Variants in SLC9A9 observed in about 807,000 individuals in gnomAD.
The protein encoded by SLC9A9 is solute carrier family 9 member A9, also known as sodium/hydrogen exchanger 9.
SLC9A9 carries 62 observed loss-of-function variants against 77.8 expected under a neutral mutation model. That is an observed-to-expected ratio of 0.80 (90% CI 0.65 to 0.98). The LOEUF (loss-of-function observed/expected upper bound fraction) is 0.98, where lower values mean the gene tolerates loss of function less well. SLC9A9 is among the 50% of genes least tolerant of loss of function. The pLI is 0.00. For synonymous variants in SLC9A9, 320 were observed against 283.5 expected (o/e 1.13, Z -1.29); for missense variants, 775 against 774.9 (o/e 1.00, Z 0.00).
chr3:143,327,464 C>T (rs1011481558), intron 14 of SLC9A9, among the ~76,000 whole-genome samples: 1 of 152,158 alleles, frequency 6.6e-6, no homozygotes, highest in African/African-American at 2.4e-5. Context: ...GAAAAGGAGA[C>T]AGATTTTGGC....
intron 4 of SLC9A9, among the ~76,000 whole-genome samples, chr3:143,785,856 T>C (rs868668149): frequency 0.19 from 24,599 of 130,664 alleles, 2,713 homozygotes; most frequent in South Asian, 0.33. Context: ...TTTTTTTTTT[T>C]TTTTTTTTTT....
At chr3:143,714,215 G>A (rs1436348706) in intron 4 of SLC9A9, among the ~76,000 whole-genome samples, 2 of 152,186 alleles carry the variant, frequency 1.3e-5, no homozygotes, top group Admixed American at 6.5e-5. Flanking sequence ...CATTTAACAC[G>A]AAGGATCCTT....
chr3:143,284,900 G>A (rs78266526), intron 14 of SLC9A9, among the ~76,000 whole-genome samples: 1 of 152,126 alleles, frequency 6.6e-6, no homozygotes, highest in East Asian at 1.9e-4. Context: ...ATGACAAAAT[G>A]ATACAGACAG....
chr3:143,670,753 C>T (rs992850381), intron 5 of SLC9A9, among the ~76,000 whole-genome samples: 5 of 152,308 alleles, frequency 3.3e-5, no homozygotes, highest in South Asian at 2.1e-4. Flanking sequence ...TGCCAGTTGT[C>T]GTATCTACCT....
rs2030715085 is a variant in SLC9A9, at chr3:143,305,023, A to G, written c.1605-36043T>C. Among the ~76,000 whole-genome samples, 3 of 152,306 alleles carry G rather than the reference A, an allele frequency of 2.0e-5. No homozygotes were observed. The South Asian group carries it at 6.2e-4, about 32-fold the overall frequency. ...TCTGATATCTGAACGTGAACCAGAT[A>G]TCAACATTATTATTAATTTCTGGGA... On this transcript the variant is annotated intron_variant, in intron 14 of 15. Coordinates refer to ENST00000316549, the MANE Select transcript of SLC9A9 (RefSeq NM_173653.4).
intron 4 of SLC9A9, among the ~76,000 whole-genome samples, chr3:143,745,268 T>C (rs1474279625): frequency 6.6e-6 from 1 of 152,216 alleles, no homozygotes; most frequent in Admixed American, 6.5e-5. Context: ...GATGTTTTTA[T>C]AATAAGCTTC....
chr3:143,295,011 T>C (rs975732475), intron 14 of SLC9A9, among the ~76,000 whole-genome samples: 1 of 152,256 alleles, frequency 6.6e-6, no homozygotes, highest in African/African-American at 2.4e-5. Flanking sequence ...TTGGCATTAG[T>C]GATTTAGAAA....
At chr3:143,377,243 T>C (rs554880511) in intron 13 of SLC9A9, among the ~76,000 whole-genome samples, 62 of 152,350 alleles carry the variant, frequency 4.1e-4, no homozygotes, top group Non-Finnish European at 7.2e-4. Flanking sequence ...ACAAATACTT[T>C]TATTATTCAC....
At chr3:143,501,243 T>C (rs750440025) in intron 9 of SLC9A9, among the ~76,000 whole-genome samples, 2 of 150,762 alleles carry the variant, frequency 1.3e-5, no homozygotes, top group Non-Finnish European at 2.9e-5. Context: ...GAGTTCTATA[T>C]GAACTAGTAT....
chr3:143,363,882 T>C (rs117001978), intron 13 of SLC9A9, among the ~76,000 whole-genome samples: 5,669 of 152,292 alleles, frequency 0.037, 174 homozygotes, highest in East Asian at 0.17. Context: ...TTACAGTTTA[T>C]TTCTGTCAAA....
chr3:143,702,031 A>G (rs560181414), intron 4 of SLC9A9, among the ~76,000 whole-genome samples: 60 of 152,316 alleles, frequency 3.9e-4, no homozygotes, highest in Non-Finnish European at 7.9e-4. Context: ...GTGCTGAAGG[A>G]AAGAAACTTT....
chr3:143,646,446 A>T (rs969917526), intron 6 of SLC9A9, among the ~76,000 whole-genome samples: 3 of 149,018 alleles, frequency 2.0e-5, no homozygotes, highest in Non-Finnish European at 1.5e-5. Flanking sequence ...AAATTTTCTT[A>T]TTTGATAGTT....
chr3:143,624,450 A>C (rs925690898), intron 6 of SLC9A9, among the ~76,000 whole-genome samples: 1 of 152,174 alleles, frequency 6.6e-6, no homozygotes, highest in African/African-American at 2.4e-5. Context: ...GGGATGCAAG[A>C]CTGGTTCAAC....
intron 5 of SLC9A9, among the ~76,000 whole-genome samples, chr3:143,690,527 C>A (rs1933428957): frequency 6.6e-6 from 1 of 152,012 alleles, no homozygotes; most frequent in Non-Finnish European, 1.5e-5. Context: ...AATATCTAGT[C>A]TTACTCAAAA....
At chr3:143,581,107 A>G (rs2037444596) in intron 6 of SLC9A9, among the ~76,000 whole-genome samples, 1 of 152,234 alleles carries the variant, frequency 6.6e-6, no homozygotes, top group Admixed American at 6.5e-5. Context: ...TAACGGTACA[A>G]AGGGGAAAAG....
chr3:143,705,480 A>G (rs1215652650), intron 4 of SLC9A9, among the ~76,000 whole-genome samples: 1 of 152,224 alleles, frequency 6.6e-6, no homozygotes, highest in Non-Finnish European at 1.5e-5. Flanking sequence ...CACAAAGAAT[A>G]AATGTTTGAG....
At chr3:143,793,391 C>A (rs980487087) in intron 4 of SLC9A9, among the ~76,000 whole-genome samples, 40 of 152,002 alleles carry the variant, frequency 2.6e-4, no homozygotes, top group African/African-American at 9.7e-4. Flanking sequence ...ACCAGTTGTA[C>A]CAAAGAAATG....
chr3:143,838,313 C>T (rs1445370622), intron 1 of SLC9A9, among the ~76,000 whole-genome samples: 1 of 152,100 alleles, frequency 6.6e-6, no homozygotes, highest in African/African-American at 2.4e-5. Context: ...TCAAGGAGCC[C>T]AGCGTCAATG....
At chr3:143,627,177 A>T (rs1293613196) in intron 6 of SLC9A9, 1 of 152,394 alleles carries the variant, frequency 6.6e-6, no homozygotes, top group Non-Finnish European at 1.5e-5. Context: ...AGCCGACTGC[A>T]CTAGCTTTTC....
Sources: gnomAD v4.1 joint callset for allele counts (sites outside exome capture counted in the v4.1 genomes callset) on GRCh38, gnomAD v4.1.1 for gene constraint, MANE v1.5 for transcripts, NCBI Gene and HGNC (gene_info 2026-07-23, HGNC 2026-07-21) for gene names.